Variants in CPVL observed in about 807,000 individuals in gnomAD.
CPVL encodes probable serine carboxypeptidase CPVL.
Under a neutral mutation model 63.7 loss-of-function variants are expected in CPVL, and 51 were observed. That is an observed-to-expected ratio of 0.80 (90% CI 0.64 to 1.01). CPVL has a LOEUF of 1.01. Among genes scored for constraint, CPVL ranks in the 50% least tolerant of loss-of-function variants. CPVL has a pLI of 0.00. For missense variants in CPVL, 530 were observed against 573.1 expected, an observed-to-expected ratio of 0.92 and a Z score of 0.77; for synonymous variants, 195 against 206.0, an observed-to-expected ratio of 0.95 and a Z score of 0.46.
chr7:29,096,076 A>G, intron 4 of CPVL, 27 bp downstream of exon 4: 1 of 1,549,930 alleles, frequency 6.5e-7, no homozygotes, highest in Non-Finnish European at 8.9e-7. Context: ...AAGATTCTAT[A>G]GGAAATACAG....
chr7:29,135,927 G>A (rs756714430), intron 1 of CPVL, among the ~76,000 whole-genome samples: 2 of 151,866 alleles, frequency 1.3e-5, no homozygotes, highest in Non-Finnish European at 2.9e-5. Context: ...GAACCAGCCA[G>A]TTTTTTTTGT....
chr7:29,123,708 T>C (rs1269177347), intron 1 of CPVL, among the ~76,000 whole-genome samples: 2 of 20,696 alleles, frequency 9.7e-5, no homozygotes, highest in Non-Finnish European at 1.4e-4. Flanking sequence ...GAGGTTTTTG[T>C]TTTTTTTTTT....
chr7:29,060,587 A>G (rs1414155988), intron 11 of CPVL, among the ~76,000 whole-genome samples: 2 of 152,264 alleles, frequency 1.3e-5, no homozygotes, highest in Admixed American at 6.5e-5. Context: ...ATGACTTTTG[A>G]GTATGCATCT....
At chr7:29,020,431 T>C (rs933565204) in intron 12 of CPVL, among the ~76,000 whole-genome samples, 6 of 152,184 alleles carry the variant, frequency 3.9e-5, no homozygotes, top group East Asian at 1.9e-4. Context: ...ATCCTGACTA[T>C]TACTATTTAT....
chr7:29,116,883 G>A (rs1178742813), intron 2 of CPVL, among the ~76,000 whole-genome samples: 1 of 152,024 alleles, frequency 6.6e-6, no homozygotes, highest in Non-Finnish European at 1.5e-5. Context: ...GTTTTTTTGC[G>A]AGCTACTGTT....
rs568131060 is a variant in CPVL at position 29,175,533 on chromosome 7, C to G, written c.-11+5757G>C. On this transcript the variant is annotated intron_variant, in intron 5 of 16. Coordinates refer to the CPVL transcript ENST00000409850. ...TTCACTTGGCTCTCATACTCTCTTG[C>G]CTGCCGCCATGTAAGACATTCCTTG... Among the ~76,000 whole-genome samples the G allele has an allele frequency of 1.2e-4, 18 of 152,182 alleles. No homozygotes were observed. In the South Asian group the frequency reaches 3.1e-3, roughly 26 times the overall value.
intron 12 of CPVL, among the ~76,000 whole-genome samples, chr7:29,002,510 T>C (rs1784741756): frequency 6.6e-6 from 1 of 152,060 alleles, no homozygotes; most frequent in South Asian, 2.1e-4. Context: ...TAAAATTTAA[T>C]AGGCATGACA....
exon 4 of CPVL, chr7:29,184,538 T>G (rs1187492902): frequency 6.6e-6 from 1 of 152,118 alleles, no homozygotes; most frequent in Non-Finnish European, 1.5e-5. Flanking sequence ...AGCCAATGTT[T>G]CCGTTTGGAT....
intron 12 of CPVL, among the ~76,000 whole-genome samples, chr7:29,022,807 T>C (rs1376274903): frequency 2.6e-5 from 4 of 152,228 alleles, no homozygotes; most frequent in Non-Finnish European, 5.9e-5. Flanking sequence ...GGAATATGCC[T>C]GCCCTGCACA....
intron 6 of CPVL, among the ~76,000 whole-genome samples, chr7:29,091,407 G>T (rs753679259): frequency 1.3e-5 from 2 of 152,080 alleles, no homozygotes; most frequent in Non-Finnish European, 2.9e-5. Flanking sequence ...AGGGATGGGA[G>T]GTGGGGGCGG....
At chr7:29,100,747 G>A (rs1467101850) in intron 3 of CPVL, among the ~76,000 whole-genome samples, 2 of 152,196 alleles carry the variant, frequency 1.3e-5, no homozygotes, top group Non-Finnish European at 2.9e-5. Flanking sequence ...CCTTGCTCCT[G>A]ATTTACTTTC....
At chr7:29,105,868 G>A (rs1322628867) in intron 3 of CPVL, among the ~76,000 whole-genome samples, 1 of 152,172 alleles carries the variant, frequency 6.6e-6, no homozygotes, top group African/African-American at 2.4e-5. Context: ...AAGGAACAAG[G>A]AAATGTTAAT....
chr7:29,037,866 G>T (rs895119038), intron 11 of CPVL, among the ~76,000 whole-genome samples: 3 of 152,120 alleles, frequency 2.0e-5, no homozygotes, highest in Admixed American at 2.0e-4. Flanking sequence ...AGTGATCTTG[G>T]ATATGTCATC....
chr7:29,141,163 C>G (rs1311823637), intron 1 of CPVL, among the ~76,000 whole-genome samples: 2 of 152,218 alleles, frequency 1.3e-5, no homozygotes, highest in African/African-American at 4.8e-5. Context: ...CAGTAAGGAG[C>G]CTACATGTGC....
intron 5 of CPVL, among the ~76,000 whole-genome samples, chr7:29,177,765 C>A (rs1212734474): frequency 6.6e-6 from 1 of 152,094 alleles, no homozygotes; most frequent in Non-Finnish European, 1.5e-5. Flanking sequence ...AAACACCTAC[C>A]CATCTCATTA....
intron 11 of CPVL, among the ~76,000 whole-genome samples, chr7:29,046,886 C>A (rs1003400340): frequency 5.3e-5 from 8 of 152,116 alleles, no homozygotes; most frequent in African/African-American, 1.9e-4. Context: ...ATACATCTTA[C>A]AATCAGTGTA....
chr7:29,088,948 C>T (rs1046887366), intron 6 of CPVL, among the ~76,000 whole-genome samples: 12 of 152,160 alleles, frequency 7.9e-5, no homozygotes, highest in Non-Finnish European at 1.6e-4. Flanking sequence ...GCACTCCAGC[C>T]TGGCGACATA....
chr7:29,192,920 T>G (rs996149275), intron 1 of CPVL: 1 of 152,206 alleles, frequency 6.6e-6, no homozygotes, highest in Non-Finnish European at 1.5e-5. Context: ...AAGTGCTGTT[T>G]TCTATCAGAA....
chr7:29,142,057 CT>C (rs1006090994), intron 1 of CPVL, among the ~76,000 whole-genome samples: 4 of 152,288 alleles, frequency 2.6e-5, no homozygotes, highest in African/African-American at 9.6e-5. Context: ...TTAACTTTCT[CT>C]TCTTCTTTCC....
Sources: allele counts gnomAD v4.1 joint callset (sites outside exome capture counted in the v4.1 genomes callset), GRCh38; gene constraint gnomAD v4.1.1; transcripts MANE v1.5; gene names NCBI Gene and HGNC (gene_info 2026-07-23, HGNC 2026-07-21).